The following EZH2 variants were observed in gnomAD, a reference collection of about 807,000 sequenced individuals.
The protein encoded by EZH2 is enhancer of zeste 2 polycomb repressive complex 2 subunit.
In EZH2, 18 loss-of-function variants were observed where a neutral mutation model predicts 98.4. The observed-to-expected ratio is 0.18, with a 90% CI of 0.13 to 0.27. The LOEUF is 0.27. Among genes scored for constraint, EZH2 ranks in the 10% least tolerant of loss-of-function variants. The pLI is 1.00. For synonymous variants in EZH2, 338 were observed against 312.3 expected, an observed-to-expected ratio of 1.08 and a Z score of -0.87; for missense variants, 470 against 935.1, an observed-to-expected ratio of 0.50 and a Z score of 6.49.
At chr7:148,871,403 T>TAAAAAAAAAAA (rs71529646) in intron 1 of EZH2, among the ~76,000 whole-genome samples, 4 of 88,732 alleles carry the variant, frequency 4.5e-5, no homozygotes, top group Admixed American at 1.4e-4. Flanking sequence ...GACGAATAAT[T>TAAAAAAAAAAA]AAAAAAAAAA....
intron 3 of EZH2, among the ~76,000 whole-genome samples, 169 bp downstream of exon 3, chr7:148,846,301 C>T (rs1814010210): frequency 6.6e-6 from 1 of 151,918 alleles, no homozygotes; most frequent in Non-Finnish European, 1.5e-5. Flanking sequence ...ATAGGAATAG[C>T]TAATAGTGTG....
chr7:148,835,607 C>T (rs1238850061), intron 3 of EZH2, among the ~76,000 whole-genome samples: 1 of 151,618 alleles, frequency 6.6e-6, no homozygotes, highest in Non-Finnish European at 1.5e-5. Flanking sequence ...GTATCAAATA[C>T]TATCCAGTGA....
At chr7:148,825,657 G>A (rs1807488055) in intron 8 of EZH2, among the ~76,000 whole-genome samples, 1 of 152,154 alleles carries the variant, frequency 6.6e-6, no homozygotes, top group African/African-American at 2.4e-5. Flanking sequence ...AAAGCAATGT[G>A]GGGCCGTTGA....
chr7:148,817,780 A>C (rs893078498), intron 10 of EZH2, 97 bp downstream of exon 10: 1 of 1,521,572 alleles, frequency 6.6e-7, no homozygotes, highest in African/African-American at 1.4e-5. Context: ...ACTGAAACTA[A>C]CCAACTAAGA....
intron 1 of EZH2, among the ~76,000 whole-genome samples, chr7:148,863,083 C>CAA (rs11295626): frequency 8.5e-6 from 1 of 117,382 alleles, no homozygotes; most frequent in African/African-American, 3.2e-5. Flanking sequence ...GACCCTGTCT[C>CAA]AAAAAAAAAA....
At chr7:148,848,115 GT>G (rs1814656172) in intron 1 of EZH2, among the ~76,000 whole-genome samples, 1 of 152,162 alleles carries the variant, frequency 6.6e-6, no homozygotes, top group South Asian at 2.1e-4. Flanking sequence ...AAATCATCCT[GT>G]ACCTTCAAAT....
intron 1 of EZH2, among the ~76,000 whole-genome samples, chr7:148,857,571 T>C (rs1817014726): frequency 1.3e-5 from 2 of 151,748 alleles, no homozygotes; most frequent in South Asian, 4.2e-4. Flanking sequence ...GCCAATATGG[T>C]GAAACCCAGT....
chr7:148,854,444 A>AG (rs1563045799), intron 1 of EZH2, among the ~76,000 whole-genome samples: 2 of 152,152 alleles, frequency 1.3e-5, no homozygotes, highest in Non-Finnish European at 2.9e-5. Context: ...TCAAAAAAAA[A>AG]AAAAAAAAAT....
chr7:148,868,578 T>C (rs556632618), intron 1 of EZH2, among the ~76,000 whole-genome samples: 1 of 152,230 alleles, frequency 6.6e-6, no homozygotes, highest in Non-Finnish European at 1.5e-5. Flanking sequence ...GACGCGTGAT[T>C]TGGGTGGGGC....
At chr7:148,838,792 C>T (rs1266062232) in intron 3 of EZH2, among the ~76,000 whole-genome samples, 2 of 152,298 alleles carry the variant, frequency 1.3e-5, no homozygotes, top group East Asian at 3.9e-4. Context: ...GTGGCTCAGG[C>T]CTGTAATCCC....
intron 8 of EZH2, among the ~76,000 whole-genome samples, chr7:148,824,733 G>A (rs140981967): frequency 5.3e-5 from 8 of 152,038 alleles, no homozygotes; most frequent in East Asian, 1.9e-4. Context: ...GTATTTTGTC[G>A]AAGTTAACGT....
At chr7:148,862,037 T>C (rs906199867) in intron 1 of EZH2, among the ~76,000 whole-genome samples, 1 of 152,144 alleles carries the variant, frequency 6.6e-6, no homozygotes, top group East Asian at 1.9e-4. Context: ...TGCTTTGATA[T>C]TACACCAAAA....
intron 9 of EZH2, 105 bp downstream of exon 9, chr7:148,819,491 C>T (rs769033604): frequency 4.8e-6 from 4 of 838,304 alleles, no homozygotes; most frequent in Non-Finnish European, 7.9e-6. Context: ...TCATATGGCC[C>T]ATAACAGCAT....
chr7:148,850,314 G>A (rs967647015), intron 1 of EZH2: 4 of 209,686 alleles, frequency 1.9e-5, no homozygotes, highest in Non-Finnish European at 3.3e-5. Context: ...CACTGCGCCT[G>A]GCTTACAATT....
chr7:148,807,837 C>T (rs555727675), intron 19 of EZH2, 131 bp from the exon 20 acceptor site: 18 of 598,158 alleles, frequency 3.0e-5, no homozygotes, highest in Non-Finnish European at 5.2e-5. Context: ...AAAAAAAAAA[C>T]CCATCCAATT....
At chr7:148,819,292 G>T (rs189563079) in intron 9 of EZH2, among the ~76,000 whole-genome samples, 22 of 152,226 alleles carry the variant, frequency 1.4e-4, no homozygotes, top group Non-Finnish European at 2.9e-5. Context: ...CTTTCTAAGC[G>T]GACTATCTGT....
chr7:148,849,041 T>G (rs968659479), intron 1 of EZH2, among the ~76,000 whole-genome samples: 6 of 152,220 alleles, frequency 3.9e-5, no homozygotes, highest in Non-Finnish European at 8.8e-5. Flanking sequence ...GTTGTTATAC[T>G]GTATTGTTTA....
chr7:148,836,571 A>G (rs1450876192), intron 3 of EZH2, among the ~76,000 whole-genome samples: 2 of 152,234 alleles, frequency 1.3e-5, no homozygotes, highest in Non-Finnish European at 2.9e-5. Flanking sequence ...ATGGGTCTCC[A>G]CATTTCACCT....
chr7:148,864,970 T>C (rs1818227754), intron 1 of EZH2, among the ~76,000 whole-genome samples: 1 of 151,814 alleles, frequency 6.6e-6, no homozygotes, highest in Non-Finnish European at 1.5e-5. Flanking sequence ...CTACTAAAAA[T>C]ACAAAAATTA....
Sources: gnomAD v4.1 joint callset for allele counts (sites outside exome capture counted in the v4.1 genomes callset) on GRCh38, gnomAD v4.1.1 for gene constraint, MANE v1.5 for transcripts, NCBI Gene and HGNC (gene_info 2026-07-23, HGNC 2026-07-21) for gene names.